The following UNC13C variants were observed in gnomAD, a reference collection of about 807,000 sequenced individuals.
UNC13C encodes unc-13 homolog C.
UNC13C carries 174 observed loss-of-function variants against 245.4 expected under a neutral mutation model. The ratio of observed to expected loss-of-function variants is 0.71; its 90% CI spans 0.63 to 0.80. The LOEUF (loss-of-function observed/expected upper bound fraction) is 0.80, where lower values mean the gene tolerates loss of function less well. UNC13C is among the 30% of genes least tolerant of loss of function. UNC13C has a pLI of 0.00. For synonymous variants in UNC13C, 992 were observed against 895.1 expected (o/e 1.11, Z -1.93); for missense variants, 2,829 against 2,602.9 (o/e 1.09, Z -1.89).
At chr15:54,434,284 A>G (rs888998225) in intron 19 of UNC13C, among the ~76,000 whole-genome samples, 1 of 152,066 alleles carries the variant, frequency 6.6e-6, no homozygotes. Context: ...AGCCAAGACA[A>G]TCCTAAGCAA....
chr15:54,312,566 C>T (rs1189846105), intron 13 of UNC13C, among the ~76,000 whole-genome samples: 2 of 151,786 alleles, frequency 1.3e-5, no homozygotes, highest in African/African-American at 2.4e-5. Context: ...TCCCAGGGTT[C>T]TTCCAGCCCT....
intron 4 of UNC13C, among the ~76,000 whole-genome samples, chr15:54,214,226 A>G (rs900731113): frequency 6.6e-6 from 1 of 151,938 alleles, no homozygotes; most frequent in South Asian, 2.1e-4. Context: ...GCTTGGCTCT[A>G]GTTGTCTGTG....
At chr15:54,616,772 GA>G (rs1216261046) in intron 30 of UNC13C, among the ~76,000 whole-genome samples, 1 of 152,020 alleles carries the variant, frequency 6.6e-6, no homozygotes, top group East Asian at 1.9e-4. Context: ...TAAGTGTTTA[GA>G]GAGTCTGCAG....
At chr15:54,320,697 C>T (rs1409449524) in intron 13 of UNC13C, 2 of 359,404 alleles carry the variant, frequency 5.6e-6, no homozygotes, top group East Asian at 1.5e-4. Flanking sequence ...CTCTCTTCTC[C>T]TGCTAAACTT....
At chr15:53,971,237 G>T in the UNC13C span, among the ~76,000 whole-genome samples, 2 of 152,130 alleles carry the variant, frequency 1.3e-5, no homozygotes, top group Admixed American at 6.6e-5. Context: ...GAGAAAACTG[G>T]ATATGCTCCT....
At chr15:54,078,950 C>T (rs1004026615) in intron 2 of UNC13C, among the ~76,000 whole-genome samples, 2 of 152,086 alleles carry the variant, frequency 1.3e-5, no homozygotes, top group Admixed American at 6.6e-5. Flanking sequence ...TCAGGTCTTA[C>T]ATTTAAGTCC....
upstream of UNC13C, chr15:53,975,033 T>A (rs1442541267): frequency 6.6e-6 from 1 of 152,198 alleles, no homozygotes; most frequent in African/African-American, 2.4e-5. Flanking sequence ...TTGAGTATCC[T>A]CATGACATGG....
chr15:54,014,181 A>G lies in UNC13C; in HGVS notation c.1278A>G (p.Thr426=), dbSNP rs1241522421. The part of the protein sequence containing the change: ...RKEKGIPSSQ[T]YESMAIKLST... Reference sequence around the variant, plus strand: ...AGAAAGGGATACCATCCTCCCAGACATATGAGAGCATGGCTATAAAGTTGT... The same window carrying G: ...AGAAAGGGATACCATCCTCCCAGACGTATGAGAGCATGGCTATAAAGTTGT... Residue 426 remains threonine (T), a synonymous_variant, in exon 2 of 33, where the codon ACA becomes ACG. Transcript: ENST00000260323. 6.2e-7 allele frequency: 1 copy of G among 1,613,816 alleles called. No individual in the cohort carries two copies. Among genetic ancestry groups the G allele is most frequent in the Non-Finnish European group, 8.5e-7 (1 of 1,179,870 alleles).
intron 12 of UNC13C, 44 bp downstream of exon 12, chr15:54,297,970 CTTGATTATGGAT>C: frequency 8.0e-7 from 1 of 1,254,006 alleles, no homozygotes; most frequent in Non-Finnish European, 1.1e-6. Context: ...AAGAAATGTT[CTTGATTATGGAT>C]TATAAAACAG....
At chr15:54,154,682 T>C (rs775223352) in intron 4 of UNC13C, among the ~76,000 whole-genome samples, 2 of 152,226 alleles carry the variant, frequency 1.3e-5, no homozygotes, top group African/African-American at 2.4e-5. Context: ...TTGATCTTCA[T>C]AGTTGTTCAG....
intron 19 of UNC13C, among the ~76,000 whole-genome samples, chr15:54,464,434 T>G (rs952035173): frequency 9.9e-5 from 15 of 152,144 alleles, no homozygotes; most frequent in Non-Finnish European, 1.8e-4. Context: ...GCATTACATT[T>G]TTTTATTCTT....
chr15:54,471,970 G>A (rs139312405), intron 19 of UNC13C, among the ~76,000 whole-genome samples: 223 of 151,756 alleles, frequency 1.5e-3, no homozygotes, highest in Middle Eastern at 3.4e-3. Context: ...AACAGTTGTT[G>A]ATAGATAAGA....
Position 54,120,336 on chromosome 15 carries a change from G to A in UNC13C, c.2984-22682G>A, listed in dbSNP as rs117575413. 5.1e-3 allele frequency among the ~76,000 whole-genome samples: 770 copies of A among 152,180 alleles called. 1 individual carries two copies. The highest frequency in any genetic ancestry group is 7.7e-3 in the Non-Finnish European group (521 of 67,986). On this transcript the variant is annotated intron_variant, in intron 2 of 32. Coordinates refer to ENST00000260323, the MANE Select transcript of UNC13C (RefSeq NM_001080534.3). ...ATTATGCTGAGTCTACTCTACTTGTGCTCTGTTAATGGAGCCACAAACCTG... is the reference window on the plus strand; with the variant it reads ...ATTATGCTGAGTCTACTCTACTTGTACTCTGTTAATGGAGCCACAAACCTG...
chr15:54,145,853 A>G (rs1244911436), intron 4 of UNC13C, among the ~76,000 whole-genome samples: 2 of 152,236 alleles, frequency 1.3e-5, no homozygotes, highest in Admixed American at 6.5e-5. Context: ...AACAGAGTTA[A>G]TCTACATCCA....
At chr15:54,623,013 A>G (rs1026533621) in intron 31 of UNC13C, among the ~76,000 whole-genome samples, 7 of 152,172 alleles carry the variant, frequency 4.6e-5, no homozygotes, top group Admixed American at 1.3e-4. Flanking sequence ...ATAAAAGTAA[A>G]ATAGCTATAT....
rs527618808 is a variant in UNC13C, at chr15:54,486,722, G to T, written c.4934-7886G>T. 2.6e-5 allele frequency among the ~76,000 whole-genome samples: 4 copies of T among 152,316 alleles called. No individual in the cohort carries two copies. In the East Asian group the frequency reaches 7.7e-4, roughly 29 times the overall value. On this transcript the variant is annotated intron_variant, in intron 19 of 32. Coordinates refer to ENST00000260323, the MANE Select transcript of UNC13C (RefSeq NM_001080534.3). ...ATCTTTTATCATTATGATCCAGCCT[G>T]TTGGCTGTCTCTTTTTTAAAAATAC...
chr15:54,167,982 T>A (rs1290118430), intron 4 of UNC13C, among the ~76,000 whole-genome samples: 1 of 152,120 alleles, frequency 6.6e-6, no homozygotes, highest in Non-Finnish European at 1.5e-5. Context: ...TTGGCAAAGA[T>A]GTGGAACAAC....
the UNC13C span, chr15:53,912,317 T>C: frequency 6.6e-6 from 1 of 152,334 alleles, no homozygotes; most frequent in South Asian, 2.1e-4. Context: ...ATTAGGGAAC[T>C]GGCTGAGTTG....
intron 17 of UNC13C, among the ~76,000 whole-genome samples, chr15:54,390,294 A>C (rs2039927088): frequency 6.6e-6 from 1 of 152,180 alleles, no homozygotes; most frequent in African/African-American, 2.4e-5. Context: ...ATGTGATATC[A>C]TGAAAGTGTA....
Sources: gnomAD v4.1 joint callset for allele counts (sites outside exome capture counted in the v4.1 genomes callset) on GRCh38, gnomAD v4.1.1 for gene constraint, MANE v1.5 for transcripts, NCBI Gene and HGNC (gene_info 2026-07-23, HGNC 2026-07-21) for gene names.